Variants in C15orf39 observed in about 807,000 individuals in gnomAD.
C15orf39 encodes uncharacterized protein C15orf39.
A neutral mutation model predicts 53.9 loss-of-function variants in C15orf39; 24 were observed. That is an observed-to-expected ratio of 0.45 (90% CI 0.32 to 0.63). The LOEUF is 0.63. C15orf39 is among the 20% of genes least tolerant of loss of function. The pLI, the probability that C15orf39 is intolerant of heterozygous loss-of-function variation, is 0.04. For missense variants in C15orf39, 1,271 were observed against 1,347.9 expected (o/e 0.94, Z 0.89); for synonymous variants, 569 against 576.5 (o/e 0.99, Z 0.19).
chr15:75,207,489 C>A lies in C15orf39; in HGVS notation c.1441C>A (p.Arg481=). The part of the protein sequence containing the change: ...CTPPALPPCA[R]ECQSLPQKEG... ...CCCCCCAGCACTGCCCCCCTGTGCC[C>A]GGGAGTGCCAGTCTCTTCCACAGAA... Residue 481 remains arginine (R), a synonymous_variant, in exon 2 of 3, where the codon CGG becomes AGG. Coordinates refer to ENST00000394987, the MANE Select transcript of C15orf39 (RefSeq NM_015492.5). The A allele has an allele frequency of 6.2e-7, 1 of 1,613,598 alleles. No individual in the cohort carries two copies. Among genetic ancestry groups the A allele is most frequent in the Non-Finnish European group, 8.5e-7 (1 of 1,179,950 alleles).
rs536196636 is a variant in C15orf39, at chr15:75,208,263, C to G, written c.2215C>G (p.Arg739Gly). ...TCGAGCTCAGGCTCCAGCTTCAGCC[C>G]GGGATCCAGCTCCAGCTCCAGCTCC... is the stretch of plus-strand genomic sequence containing the variant. Reference protein sequence around the residue: ...PARAQAPASARDPAPAPAPVA... With the variant: ...PARAQAPASAGDPAPAPAPVA... Residue 739 changes from arginine (R) to glycine (G), a missense_variant, in exon 2 of 3, where the codon CGG becomes GGG. Coordinates refer to ENST00000394987, the MANE Select transcript of C15orf39 (RefSeq NM_015492.5). 13 of 1,594,300 alleles carry G rather than the reference C, an allele frequency of 8.2e-6. No individual in the cohort carries two copies. In the Admixed American group the frequency reaches 1.8e-4, roughly 22 times the overall value.
Position 75,210,749 on chromosome 15 carries a change from G to A in C15orf39, c.2777G>A (p.Gly926Asp). The A allele has an allele frequency of 6.3e-7, 1 of 1,596,548 alleles. No individual in the cohort carries two copies. The highest frequency in any genetic ancestry group is 8.6e-7 in the Non-Finnish European group (1 of 1,167,428). ...GGCTGACTATGTGTTCGTTTTCCAG[G>A]TGACTTTGACACTGAGGCTGGAGCT... ...QWRDCVRRQL[G>D]DFDTEAGAVS... is the part of the protein sequence containing the mutation. Residue 926 changes from glycine (G) to aspartate (D), a missense_variant and splice_region_variant, in exon 3 of 3, where the codon GGT becomes GAT. Physicochemically the swap from Gly to Asp is moderately conservative, Grantham distance 94. This residue lies in a region of C15orf39 where 277 missense variants were observed against 354.1 expected (regional missense o/e 0.78). Transcript: ENST00000394987.
At chr15:75,203,198 A>G (rs1331300377) in intron 1 of C15orf39, among the ~76,000 whole-genome samples, 1 of 152,242 alleles carries the variant, frequency 6.6e-6, no homozygotes, top group Non-Finnish European at 1.5e-5. Flanking sequence ...CGAGGCCCCT[A>G]GAAGGTGAAA....
rs2070482730 is a variant in C15orf39 at position 75,211,475 on chromosome 15, T to C, written c.*359T>C. 4.4e-6 allele frequency: 1 copy of C among 226,396 alleles called. No individual in the cohort carries two copies. The highest frequency in any genetic ancestry group is 8.6e-6 in the Non-Finnish European group (1 of 116,506). 14.0% of individuals were successfully genotyped at this position (226,396 alleles called of 1,614,324 possible). On this transcript the variant is annotated 3_prime_UTR_variant, in exon 3 of 3. Transcript: ENST00000394987. ...GTAAAATGGGACAACGCAACCTACC[T>C]CACAGGGTTGTTGTGGGGATGCTGC...
chr15:75,211,971 G>A lies in C15orf39; in HGVS notation c.*855G>A, dbSNP rs992158661. 1 of 152,224 alleles carries A rather than the reference G, an allele frequency of 6.6e-6. No homozygotes were observed. The highest frequency in any genetic ancestry group is 1.5e-5 in the Non-Finnish European group (1 of 68,060). The allele number at this position is 152,224 out of a possible 1,614,324, so 9.4% of individuals were successfully genotyped here. On this transcript the variant is annotated 3_prime_UTR_variant, in exon 3 of 3. Coordinates refer to ENST00000394987, the MANE Select transcript of C15orf39 (RefSeq NM_015492.5). The stretch of plus-strand genomic sequence containing the variant: ...TAGGCTGAGTGGCAGCTCAGTCCTA[G>A]AAGGTCTCTGAAGATCTGGACTGAG...
At position 75,208,186 on chromosome 15, in the gene C15orf39, C is replaced by A; in HGVS notation, c.2138C>A (p.Ala713Asp). 1 of 1,613,934 alleles carries A rather than the reference C, an allele frequency of 6.2e-7. No individual in the cohort carries two copies. Among genetic ancestry groups the A allele is most frequent in the Non-Finnish European group, 8.5e-7 (1 of 1,180,024 alleles). ...CFSLALPSPPAVAVASPAPAP... is the reference protein window; with the variant it reads ...CFSLALPSPPDVAVASPAPAP... ...AGCCTGGCACTGCCCAGCCCTCCAGCCGTAGCTGTGGCCTCCCCTGCCCCT... is the reference window on the plus strand; with the variant it reads ...AGCCTGGCACTGCCCAGCCCTCCAGACGTAGCTGTGGCCTCCCCTGCCCCT... Residue 713 changes from alanine to aspartate, a missense_variant, in exon 2 of 3, where the codon GCC (alanine) becomes GAC (aspartate). Ala to Asp is a moderately radical substitution (Grantham distance 126, BLOSUM62 -2). Around this residue, in one of 2 missense-constraint regions of C15orf39, gnomAD observed 994 missense variants for 993.7 expected, o/e 1.00. Coordinates refer to ENST00000394987, the MANE Select transcript of C15orf39 (RefSeq NM_015492.5).
upstream of C15orf39, among the ~76,000 whole-genome samples, chr15:75,201,041 C>T (rs2070397550): frequency 6.6e-6 from 1 of 152,136 alleles, no homozygotes; most frequent in South Asian, 2.1e-4. This position sits in a 1 kb window ranked among gnomAD's most constrained non-coding sequence, Gnocchi z 4.7. Flanking sequence ...ACCTGCCCTC[C>T]CCTTCCCCAC....
At position 75,211,397 on chromosome 15, in the gene C15orf39, C is replaced by A; in HGVS notation, c.*281C>A. ...GCTTGAATCCCGGCTCGTGTTCTTG[C>A]TGCAGGACCTGGGCAAGAAACTTCA... On this transcript the variant is annotated 3_prime_UTR_variant, in exon 3 of 3. Transcript: ENST00000394987. 2 of 383,122 alleles carry A rather than the reference C, an allele frequency of 5.2e-6. No individual in the cohort carries two copies. The highest frequency in any genetic ancestry group is 9.3e-6 in the Non-Finnish European group (2 of 215,274). 23.7% of individuals were successfully genotyped at this position (383,122 alleles called of 1,614,324 possible).
intron 1 of C15orf39, among the ~76,000 whole-genome samples, chr15:75,204,833 C>A (rs1410658883): frequency 2.0e-5 from 3 of 152,186 alleles, no homozygotes; most frequent in Non-Finnish European, 4.4e-5. Context: ...TTCACACACG[C>A]CCCTGACGCT....
Position 75,210,829 on chromosome 15 carries a change from G to C in C15orf39, c.2857G>C (p.Ala953Pro), listed in dbSNP as rs2070477882. The stretch of plus-strand genomic sequence containing the variant: ...AGGTGAGCCAGAGAGCCTAGCCCTG[G>C]CTCAGAAGTCACCGGCCCCCAAGGT... Reference protein sequence around the residue: ...ARGEPESLALAQKSPAPKVRK... With the variant: ...ARGEPESLALPQKSPAPKVRK... Residue 953 changes from alanine to proline, a missense_variant, in exon 3 of 3, where the codon GCT becomes CCT. This residue lies in a region of C15orf39 where 277 missense variants were observed against 354.1 expected (regional missense o/e 0.78). Transcript: ENST00000394987. 6.2e-7 allele frequency: 1 copy of C among 1,613,756 alleles called. No homozygotes were observed. Among genetic ancestry groups the C allele is most frequent in the Non-Finnish European group, 8.5e-7 (1 of 1,180,018 alleles).
At chr15:75,199,718 C>T (rs73437067), upstream of C15orf39, among the ~76,000 whole-genome samples, 3,317 of 152,054 alleles carry the variant, frequency 0.022, 108 homozygotes, top group African/African-American at 0.075. Flanking sequence ...CCTGGGCAGA[C>T]CTGGTAGTGG....
Position 75,207,203 on chromosome 15 carries a change from C to G in C15orf39, c.1155C>G (p.Leu385=). 6.2e-7 allele frequency: 1 copy of G among 1,613,850 alleles called. No individual in the cohort carries two copies. The highest frequency in any genetic ancestry group is 8.5e-7 in the Non-Finnish European group (1 of 1,179,992). Residue 385 remains leucine (L), a synonymous_variant, in exon 2 of 3, where the codon CTC becomes CTG. Coordinates refer to ENST00000394987, the MANE Select transcript of C15orf39 (RefSeq NM_015492.5). ...GTTTTCCTTATGCCCGGGATGACCT[C>G]TCTCTCTATGGAGCATCCCCTGGGC... ...TLSFPYARDD[L]SLYGASPGLG...
Position 75,208,124 on chromosome 15 carries a change from G to A in C15orf39, c.2076G>A (p.Arg692=), listed in dbSNP as rs762208830. ...CCACATCTGGGCCCATTGGACTGCG[G>A]ATTCTCGCTCAACAGCCCTTGTCTG... ...PTPTSGPIGL[R]ILAQQPLSVT... The change falls in exon 2 of 3, where the codon CGG becomes CGA. Residue 692 remains arginine (R), a synonymous_variant. Transcript: ENST00000394987. 6.2e-7 allele frequency: 1 copy of A among 1,614,116 alleles called. No individual in the cohort carries two copies. The highest frequency in any genetic ancestry group is 1.1e-5 in the South Asian group (1 of 91,090).
At chr15:75,201,599 C>A (rs1349571172), upstream of C15orf39, among the ~76,000 whole-genome samples, 2 of 152,242 alleles carry the variant, frequency 1.3e-5, no homozygotes. This position sits in a 1 kb window ranked among gnomAD's most constrained non-coding sequence, Gnocchi z 4.7. Context: ...CGAGGTCAAG[C>A]GGCAGGCGCA....
chr15:75,208,443 C>T lies in C15orf39; in HGVS notation c.2395C>T (p.Pro799Ser), dbSNP rs552739571. 1.3e-5 allele frequency: 21 copies of T among 1,604,254 alleles called. No homozygotes were observed. The South Asian group carries it at 2.2e-4, about 17-fold the overall frequency. Residue 799 changes from proline to serine, a missense_variant, in exon 2 of 3, where the codon CCC becomes TCC. Physicochemically the swap from Pro to Ser is moderately conservative, Grantham distance 74. This residue lies in a region of C15orf39 where 277 missense variants were observed against 354.1 expected (regional missense o/e 0.78). Transcript: ENST00000394987. ...KLREWLETAGPWGQAAWQDCQ... is the reference protein window; with the variant it reads ...KLREWLETAGSWGQAAWQDCQ... Reference sequence around the variant, plus strand: ...TCGCGAGTGGCTAGAGACGGCTGGGCCCTGGGGCCAGGCTGCGTGGCAGGA... The same window carrying T: ...TCGCGAGTGGCTAGAGACGGCTGGGTCCTGGGGCCAGGCTGCGTGGCAGGA...
intron 1 of C15orf39, among the ~76,000 whole-genome samples, chr15:75,202,754 C>T (rs1190992383): frequency 6.6e-6 from 1 of 151,994 alleles, no homozygotes; most frequent in Non-Finnish European, 1.5e-5. Flanking sequence ...GGCGTGTGTG[C>T]AGATGTGGGC....
chr15:75,210,461 A>T (rs945403412), intron 2 of C15orf39, among the ~76,000 whole-genome samples: 1 of 152,090 alleles, frequency 6.6e-6, no homozygotes, highest in Non-Finnish European at 1.5e-5. Context: ...AGCAATGGGT[A>T]TTGGACCAGG....
Position 75,211,810 on chromosome 15 carries a change from C to A in C15orf39, c.*694C>A, listed in dbSNP as rs1267508597. The A allele has an allele frequency of 6.6e-6, 1 of 152,276 alleles. No homozygotes were observed. Among genetic ancestry groups the A allele is most frequent in the Non-Finnish European group, 1.5e-5 (1 of 68,092 alleles). The allele number at this position is 152,276 out of a possible 1,614,324, so 9.4% of individuals were successfully genotyped here. ...TGTTCTGGGCCTGCTGCTGCCGCCACCCCAGGAGGCCCCAGGCCTGTCCTG... is the reference window on the plus strand; with the variant it reads ...TGTTCTGGGCCTGCTGCTGCCGCCAACCCAGGAGGCCCCAGGCCTGTCCTG... On this transcript the variant is annotated 3_prime_UTR_variant, in exon 3 of 3. Coordinates refer to ENST00000394987, the MANE Select transcript of C15orf39 (RefSeq NM_015492.5).
chr15:75,204,496 GTTTTGTT>G (rs1424638278), intron 1 of C15orf39, among the ~76,000 whole-genome samples: 3 of 151,044 alleles, frequency 2.0e-5, no homozygotes, highest in Non-Finnish European at 3.0e-5. Context: ...CTTTTTTTTT[GTTTTGTT>G]TTTTGTTTTT....
Sources: gnomAD v4.1 joint callset for allele counts (sites outside exome capture counted in the v4.1 genomes callset) on GRCh38, gnomAD v4.1.1 for gene constraint, gnomAD v4.1.1 regional missense constraint, Gnocchi (gnomAD v3.1) non-coding constraint, MANE v1.5 for transcripts, NCBI Gene and HGNC (gene_info 2026-07-23, HGNC 2026-07-21) for gene names.